Variants in MAGI1 observed in about 807,000 individuals in gnomAD.
MAGI1 encodes membrane associated guanylate kinase, WW and PDZ domain containing 1.
A neutral mutation model predicts 139.9 loss-of-function variants in MAGI1; 58 were observed. That is an observed-to-expected ratio of 0.41 (90% CI 0.34 to 0.52). The LOEUF (loss-of-function observed/expected upper bound fraction) is 0.52. Ranked by LOEUF, MAGI1 falls within the 20% of genes least tolerant of loss-of-function variation. The pLI, the probability that MAGI1 is intolerant of heterozygous loss-of-function variation, is 0.12. For missense variants in MAGI1, 1,874 were observed against 1,901.6 expected, an observed-to-expected ratio of 0.99 and a Z score of 0.27; for synonymous variants, 812 against 737.9, an observed-to-expected ratio of 1.10 and a Z score of -1.63.
intron 6 of MAGI1, among the ~76,000 whole-genome samples, chr3:65,451,478 A>T (rs931856526): frequency 3.3e-5 from 5 of 152,188 alleles, no homozygotes; most frequent in African/African-American, 9.7e-5. Flanking sequence ...GTTAGAATCA[A>T]AAGGGTTTCA....
intron 1 of MAGI1, among the ~76,000 whole-genome samples, chr3:65,938,118 G>A (rs985267733): frequency 6.6e-6 from 1 of 151,740 alleles, no homozygotes; most frequent in Non-Finnish European, 1.5e-5. Flanking sequence ...AAGCTACCAA[G>A]AACATTCTTC....
chr3:65,569,990 T>C (rs1489138202), intron 2 of MAGI1, among the ~76,000 whole-genome samples: 3 of 151,232 alleles, frequency 2.0e-5, no homozygotes, highest in Non-Finnish European at 4.4e-5. Context: ...TTTGCAACAT[T>C]AGAAAGATGA....
At chr3:65,488,326 T>C (rs1046029491) in intron 3 of MAGI1, among the ~76,000 whole-genome samples, 7 of 152,096 alleles carry the variant, frequency 4.6e-5, no homozygotes, top group African/African-American at 1.7e-4. Flanking sequence ...AAAACACTCA[T>C]AACTTTTTTT....
intron 1 of MAGI1, among the ~76,000 whole-genome samples, chr3:65,804,648 C>T (rs779361982): frequency 6.6e-6 from 1 of 152,072 alleles, no homozygotes; most frequent in Non-Finnish European, 1.5e-5. Flanking sequence ...GGACCGTAGC[C>T]TACACTTGTG....
intron 1 of MAGI1, among the ~76,000 whole-genome samples, chr3:65,740,519 A>G (rs1979821): frequency 0.99 from 151,133 of 152,328 alleles, 74,982 homozygotes; most frequent in East Asian, 1. Flanking sequence ...AGGGAAGGTG[A>G]ACAGGGCAGT....
chr3:65,627,420 A>G (rs2084028547), intron 1 of MAGI1, among the ~76,000 whole-genome samples: 1 of 133,346 alleles, frequency 7.5e-6, no homozygotes, highest in Admixed American at 7.5e-5. Flanking sequence ...ACAATTTTAT[A>G]TTTTAACTGA....
chr3:65,359,472 T>C, intron 22 of MAGI1: 1 of 1,104,486 alleles, frequency 9.1e-7, no homozygotes, highest in Non-Finnish European at 1.1e-6. Flanking sequence ...CAGGCTGGCA[T>C]AGGAGAGCAT....
In MAGI1 at chr3:65,356,466, A is replaced by G. The variant is rs777458552; in HGVS notation, c.4301T>C (p.Leu1434Pro). 1.4e-5 allele frequency: 23 copies of G among 1,610,720 alleles called. No individual in the cohort carries two copies. In the South Asian group the frequency reaches 2.4e-4, roughly 17 times the overall value. Reference protein sequence around the residue: ...ASHREREEANLKQDAGRSSRH... With the variant: ...ASHREREEANPKQDAGRSSRH... ...GGAACTTCTGCCGGCATCCTGTTTCAGATTCGCCTCTTCCCTTTCTCGGTG... is the reference window on the plus strand; with the variant it reads ...GGAACTTCTGCCGGCATCCTGTTTCGGATTCGCCTCTTCCCTTTCTCGGTG... Residue 1434 changes from leucine to proline, a missense_variant, in exon 23 of 23, where the codon CTG becomes CCG. Leu to Pro is a moderately conservative substitution (Grantham distance 98, BLOSUM62 -3). Transcript: ENST00000402939.
chr3:65,492,414 T>C (rs1027646094), intron 3 of MAGI1, among the ~76,000 whole-genome samples: 3 of 152,334 alleles, frequency 2.0e-5, no homozygotes, highest in South Asian at 4.1e-4. Context: ...ATATGAAACA[T>C]TGAAACTGAC....
chr3:65,453,404 AT>A (rs1422453433), intron 5 of MAGI1, 64 bp from the exon 6 acceptor site: 4 of 1,223,770 alleles, frequency 3.3e-6, no homozygotes, highest in Non-Finnish European at 4.7e-6. Context: ...AAGAAGCCCA[AT>A]GACGGAATTA....
At chr3:65,781,021 C>A (rs1347153340) in intron 1 of MAGI1, among the ~76,000 whole-genome samples, 1 of 152,126 alleles carries the variant, frequency 6.6e-6, no homozygotes, top group Admixed American at 6.5e-5. Context: ...CATAGTGAAA[C>A]CCCATCTCTA....
chr3:65,638,788 G>A (rs1052514615), intron 1 of MAGI1, among the ~76,000 whole-genome samples: 2 of 151,478 alleles, frequency 1.3e-5, no homozygotes, highest in Non-Finnish European at 2.9e-5. Context: ...TATATTTTTA[G>A]TAGAGACGGG....
In MAGI1 at chr3:66,027,594, T is replaced by C. The variant is rs893016037; in HGVS notation, c.313+10402A>G. On this transcript the variant is annotated intron_variant, in intron 1 of 22. Transcript: ENST00000402939. ...GGAGAACCTGACTTCTCAAGCTAAT[T>C]TTCTCACAGCTGAAATGAGAATAAG... 1.6e-4 allele frequency among the ~76,000 whole-genome samples: 24 copies of C among 152,302 alleles called. No individual in the cohort carries two copies. The South Asian group carries it at 4.8e-3, about 30-fold the overall frequency.
intron 1 of MAGI1, among the ~76,000 whole-genome samples, chr3:65,838,254 G>A (rs1275301170): frequency 6.6e-6 from 1 of 152,172 alleles, no homozygotes. Flanking sequence ...GGAGGTTGCA[G>A]TGAGCCGAGA....
intron 22 of MAGI1, among the ~76,000 whole-genome samples, chr3:65,358,537 T>C (rs961740486): frequency 1.1e-4 from 17 of 152,206 alleles, no homozygotes; most frequent in African/African-American, 3.6e-4. Context: ...TCTGGGTGTT[T>C]TGGGCCACAC....
At chr3:65,514,539 C>A (rs2077764401) in intron 2 of MAGI1, among the ~76,000 whole-genome samples, 1 of 149,848 alleles carries the variant, frequency 6.7e-6, no homozygotes, top group Admixed American at 6.7e-5. Context: ...ATTTATGCAG[C>A]CAAAAAACAC....
intron 18 of MAGI1, among the ~76,000 whole-genome samples, chr3:65,366,825 G>T (rs1203080885): frequency 6.6e-6 from 1 of 152,166 alleles, no homozygotes; most frequent in Non-Finnish European, 1.5e-5. Context: ...TCATCATAAT[G>T]TTAAAAGCAT....
chr3:65,438,238 G>A (rs965419210), intron 9 of MAGI1, among the ~76,000 whole-genome samples: 1 of 152,102 alleles, frequency 6.6e-6, no homozygotes, highest in African/African-American at 2.4e-5. Flanking sequence ...AACATGAATG[G>A]AACTAGAGAC....
At chr3:65,584,069 C>G (rs1377267885) in intron 2 of MAGI1, among the ~76,000 whole-genome samples, 1 of 137,478 alleles carries the variant, frequency 7.3e-6, no homozygotes, top group Admixed American at 7.8e-5. Flanking sequence ...TAGTCAGGGC[C>G]TCAAAAATCT....
Sources: allele counts gnomAD v4.1 joint callset (sites outside exome capture counted in the v4.1 genomes callset), GRCh38; gene constraint gnomAD v4.1.1; transcripts MANE v1.5; gene names NCBI Gene and HGNC (gene_info 2026-07-23, HGNC 2026-07-21).